TBC1D19: variants seen among roughly 807,000 people sequenced by gnomAD.
TBC1D19 encodes TBC1 domain family member 19.
In TBC1D19, 60 loss-of-function variants were observed where a neutral mutation model predicts 89.0. That is an observed-to-expected ratio of 0.67 (90% CI 0.55 to 0.84). The LOEUF is 0.84. Among genes scored for constraint, TBC1D19 ranks in the 40% least tolerant of loss-of-function variants. The pLI is 0.00. For synonymous variants in TBC1D19, 189 were observed against 199.7 expected (o/e 0.95, Z 0.45); for missense variants, 500 against 610.8 (o/e 0.82, Z 1.91).
rs532796189 is a variant in TBC1D19 at position 26,737,732 on chromosome 4, A to G, written c.1118-2132A>G. Reference sequence around the variant, plus strand: ...AACCAGTGTACAAAAATAATCACAAATCATCCCTAAGGAACTCTAGTTAGT... The same window carrying G: ...AACCAGTGTACAAAAATAATCACAAGTCATCCCTAAGGAACTCTAGTTAGT... On this transcript the variant is annotated intron_variant, in intron 16 of 20. Transcript: ENST00000264866. 9.9e-5 allele frequency among the ~76,000 whole-genome samples: 15 copies of G among 152,192 alleles called. No individual in the cohort carries two copies. The South Asian group carries it at 2.7e-3, about 27-fold the overall frequency.
chr4:26,716,549 T>G (rs1406346389), intron 13 of TBC1D19, among the ~76,000 whole-genome samples: 1 of 152,148 alleles, frequency 6.6e-6, no homozygotes, highest in Non-Finnish European at 1.5e-5. Flanking sequence ...TGGAAATAAT[T>G]AAATGTTCAA....
intron 15 of TBC1D19, among the ~76,000 whole-genome samples, chr4:26,723,620 CCT>C (rs1717116396): frequency 6.6e-6 from 1 of 152,220 alleles, no homozygotes; most frequent in Non-Finnish European, 1.5e-5. Flanking sequence ...GGACAGATTT[CCT>C]CTAGTAGATT....
In TBC1D19 at chr4:26,659,725, A is replaced by C; in HGVS notation, c.591+18A>C. The C allele has an allele frequency of 2.0e-6, 3 of 1,464,698 alleles. No individual in the cohort carries two copies. The highest frequency in any genetic ancestry group is 1.3e-5 in the South Asian group (1 of 78,322). 90.7% of individuals were successfully genotyped at this position (1,464,698 alleles called of 1,614,324 possible). On this transcript the variant is annotated intron_variant, in intron 8 of 20. Transcript: ENST00000264866. ...CTGAATTGGTAAGTATAGAAACTTA[A>C]AAATAAACATCATTTAGAAGATAAC...
At chr4:26,804,340 T>A in the TBC1D19 span, among the ~76,000 whole-genome samples, 5 of 152,112 alleles carry the variant, frequency 3.3e-5, no homozygotes, top group African/African-American at 4.8e-5. Flanking sequence ...GAGACGGGGT[T>A]TCACCACATT....
intron 13 of TBC1D19, 131 bp from the exon 14 acceptor site, chr4:26,717,802 G>C: frequency 1.6e-6 from 1 of 635,424 alleles, no homozygotes; most frequent in South Asian, 2.3e-5. Flanking sequence ...AAGGTATACC[G>C]ATAAAGGGCA....
chr4:26,732,243 G>A lies in TBC1D19; in HGVS notation c.1085-3212G>A, dbSNP rs548077188. Among the ~76,000 whole-genome samples, 6 of 152,206 alleles carry A rather than the reference G, an allele frequency of 3.9e-5. No homozygotes were observed. The South Asian group carries it at 1.2e-3, about 32-fold the overall frequency. On this transcript the variant is annotated intron_variant, in intron 15 of 20. Coordinates refer to ENST00000264866, the MANE Select transcript of TBC1D19 (RefSeq NM_018317.4). Reference sequence around the variant, plus strand: ...CTGAAGACCAGTTGCCCTCAGTAAAGGTAACCCTGTTTATGACAATCATCA... The same window carrying A: ...CTGAAGACCAGTTGCCCTCAGTAAAAGTAACCCTGTTTATGACAATCATCA...
At chr4:26,577,936 T>C (rs1474344206) in intron 1 of TBC1D19, among the ~76,000 whole-genome samples, 4 of 152,216 alleles carry the variant, frequency 2.6e-5, no homozygotes, top group Non-Finnish European at 5.9e-5. Context: ...AACAAGAGCA[T>C]TCAAGGAAAT....
At chr4:26,758,599 T>C (rs567385969), downstream of TBC1D19, among the ~76,000 whole-genome samples, 9 of 152,172 alleles carry the variant, frequency 5.9e-5, no homozygotes, top group Non-Finnish European at 1.0e-4. Context: ...TGGTTTAATC[T>C]TTCAGGGAAG....
the TBC1D19 span, among the ~76,000 whole-genome samples, chr4:26,850,880 T>C: frequency 6.6e-6 from 1 of 152,158 alleles, no homozygotes; most frequent in East Asian, 1.9e-4. Context: ...TGGGCTTGTC[T>C]GAGAGGGTGT....
At chr4:26,740,587 T>C (rs1718302758) in intron 17 of TBC1D19, 1 of 918,736 alleles carries the variant, frequency 1.1e-6, no homozygotes, top group Non-Finnish European at 1.3e-6. Context: ...GAGTTGAACA[T>C]TTTAATCTGT....
At chr4:26,741,927 A>G (rs1174556327) in intron 17 of TBC1D19, among the ~76,000 whole-genome samples, 1 of 152,256 alleles carries the variant, frequency 6.6e-6, no homozygotes, top group Non-Finnish European at 1.5e-5. Flanking sequence ...AAATATGTGT[A>G]TACTAAGTAA....
chr4:26,652,782 CG>C (rs1744492282), intron 7 of TBC1D19, among the ~76,000 whole-genome samples: 1 of 152,040 alleles, frequency 6.6e-6, no homozygotes, highest in African/African-American at 2.4e-5. Context: ...GTCTTGCTAG[CG>C]GTCTATCAAT....
intron 3 of TBC1D19, among the ~76,000 whole-genome samples, chr4:26,617,185 G>C (rs1312474301): frequency 6.6e-6 from 1 of 152,222 alleles, no homozygotes; most frequent in Non-Finnish European, 1.5e-5. Context: ...TCCCATGGCA[G>C]AAGGTGAGAG....
chr4:26,847,785 G>C, the TBC1D19 span, among the ~76,000 whole-genome samples: 1 of 152,224 alleles, frequency 6.6e-6, no homozygotes, highest in Non-Finnish European at 1.5e-5. Context: ...GCTTGTACCA[G>C]AGTGGTACCT....
At chr4:26,718,135 C>T in intron 14 of TBC1D19, 118 bp downstream of exon 14, 1 of 697,796 alleles carries the variant, frequency 1.4e-6, no homozygotes, top group South Asian at 2.2e-5. Context: ...TAAGATTTCT[C>T]TCAGATGACC....
rs780728737 is a variant in TBC1D19 at position 26,688,386 on chromosome 4, A to G, written c.933A>G (p.Val311=). The G allele has an allele frequency of 1.3e-6, 2 of 1,566,788 alleles. No homozygotes were observed. The highest frequency in any genetic ancestry group is 1.7e-6 in the Non-Finnish European group (2 of 1,151,942). ...CAAGCAATGATGATTATTATTTTGT[A>G]TTTGAAGATTATTTATATCAGGTAA... ...LTASNDDYYF[V]FEDYLYQVLL... The change falls in exon 13 of 21, where the codon GTA becomes GTG. Residue 311 remains valine (V), a synonymous_variant. Transcript: ENST00000264866.
At chr4:26,766,367 C>T in the TBC1D19 span, among the ~76,000 whole-genome samples, 2 of 152,184 alleles carry the variant, frequency 1.3e-5, no homozygotes, top group Admixed American at 6.5e-5. Flanking sequence ...GCCAACCCAG[C>T]GTTTCAGCCC....
intron 1 of TBC1D19, among the ~76,000 whole-genome samples, chr4:26,610,640 C>G (rs191454303): frequency 6.6e-6 from 1 of 151,862 alleles, no homozygotes; most frequent in Non-Finnish European, 1.5e-5. Context: ...GTCTATTGTT[C>G]CCTTCTTTGT....
intron 7 of TBC1D19, among the ~76,000 whole-genome samples, chr4:26,651,690 T>C (rs1384175998): frequency 6.6e-6 from 1 of 152,192 alleles, no homozygotes; most frequent in Non-Finnish European, 1.5e-5. Flanking sequence ...TTTTCCTAAT[T>C]GAATACCCTT....
Sources: allele counts gnomAD v4.1 joint callset (sites outside exome capture counted in the v4.1 genomes callset), GRCh38; gene constraint gnomAD v4.1.1; transcripts MANE v1.5; gene names NCBI Gene and HGNC (gene_info 2026-07-23, HGNC 2026-07-21).